ANKRD44: variants seen among roughly 807,000 people sequenced by gnomAD.
The protein encoded by ANKRD44 is ankyrin repeat domain 44, also known as serine/threonine-protein phosphatase 6 regulatory ankyrin repeat subunit B.
In ANKRD44, 35 loss-of-function variants were observed where a neutral mutation model predicts 116.0. The ratio of observed to expected loss-of-function variants is 0.30; its 90% CI spans 0.23 to 0.40. The LOEUF (loss-of-function observed/expected upper bound fraction) is 0.40. Ranked by LOEUF, ANKRD44 falls within the 10% of genes least tolerant of loss-of-function variation. The pLI is 1.00. For synonymous variants in ANKRD44, 435 were observed against 461.8 expected, an observed-to-expected ratio of 0.94 and a Z score of 0.74; for missense variants, 1,014 against 1,242.6, an observed-to-expected ratio of 0.82 and a Z score of 2.77.
chr2:197,236,584 A>G (rs2081983154), intron 1 of ANKRD44, among the ~76,000 whole-genome samples: 1 of 152,094 alleles, frequency 6.6e-6, no homozygotes, highest in African/African-American at 2.4e-5. Flanking sequence ...GTTTCTTCTA[A>G]TTCTATGGCT....
chr2:197,288,610 G>T (rs1018801339), intron 1 of ANKRD44, among the ~76,000 whole-genome samples: 12 of 110,218 alleles, frequency 1.1e-4, no homozygotes, highest in Non-Finnish European at 1.7e-4. Flanking sequence ...AATGGATAAA[G>T]AAAATGTGAT....
At chr2:197,247,213 C>T (rs563316934) in intron 1 of ANKRD44, among the ~76,000 whole-genome samples, 9 of 152,240 alleles carry the variant, frequency 5.9e-5, no homozygotes, top group South Asian at 2.1e-4. Context: ...CTGAACATGA[C>T]GCCAGGCAGC....
intron 1 of ANKRD44, among the ~76,000 whole-genome samples, chr2:197,207,612 G>A (rs1308432849): frequency 1.3e-5 from 2 of 152,048 alleles, no homozygotes; most frequent in Non-Finnish European, 2.9e-5. Context: ...TCAAATCACT[G>A]AGAAAGATCC....
chr2:197,182,202 G>C (rs1384745274), intron 2 of ANKRD44, among the ~76,000 whole-genome samples: 2 of 152,148 alleles, frequency 1.3e-5, no homozygotes, highest in Non-Finnish European at 2.9e-5. Flanking sequence ...AATCTTTCTA[G>C]CTATCTGCCA....
intron 1 of ANKRD44, among the ~76,000 whole-genome samples, chr2:197,268,096 G>A (rs1350933364): frequency 2.6e-5 from 4 of 152,194 alleles, no homozygotes; most frequent in Non-Finnish European, 4.4e-5. Context: ...AAAAAGAAGG[G>A]CACAGCATGG....
chr2:196,993,896 AT>A (rs2075965425), intron 26 of ANKRD44, among the ~76,000 whole-genome samples: 1 of 152,192 alleles, frequency 6.6e-6, no homozygotes, highest in South Asian at 2.1e-4. Flanking sequence ...GATATTACAA[AT>A]ATTCTGCATC....
intron 2 of ANKRD44, among the ~76,000 whole-genome samples, chr2:197,171,497 A>T (rs1230772803): frequency 3.3e-5 from 5 of 152,218 alleles, no homozygotes; most frequent in Non-Finnish European, 7.3e-5. Context: ...ATATGAGAAA[A>T]TTAAATAAAA....
chr2:197,157,881 T>A (rs1574572791), intron 2 of ANKRD44, among the ~76,000 whole-genome samples: 1 of 152,180 alleles, frequency 6.6e-6, no homozygotes, highest in African/African-American at 2.4e-5. Context: ...TGGATTGACA[T>A]AGAACCCTTG....
intron 8 of ANKRD44, among the ~76,000 whole-genome samples, chr2:197,116,662 G>A (rs1252673196): frequency 6.6e-6 from 1 of 152,110 alleles, no homozygotes; most frequent in Non-Finnish European, 1.5e-5. Flanking sequence ...GTAAAGGGCT[G>A]TTTCACTTTC....
chr2:197,110,742 AC>A (rs752877877), intron 9 of ANKRD44, 23 bp downstream of exon 9: 2 of 1,590,408 alleles, frequency 1.3e-6, no homozygotes, highest in South Asian at 2.2e-5. Flanking sequence ...CGAAATAATG[AC>A]ACTACTGAAG....
intron 1 of ANKRD44, among the ~76,000 whole-genome samples, chr2:197,233,374 G>A (rs867810884): frequency 2.0e-5 from 3 of 151,968 alleles, no homozygotes; most frequent in Non-Finnish European, 2.9e-5. Context: ...TCTCTAACCC[G>A]GGTAGACCTG....
At position 197,212,109 on chromosome 2, in the gene ANKRD44, T is replaced by A. The variant is rs989496748; in HGVS notation, c.28-25003A>T. ...ACCACTTTGGGGGAAGGAGAGGAGA[T>A]ATTGCAGAGCTAGAGTTTTGGAACT... On this transcript the variant is annotated intron_variant, in intron 1 of 27. Coordinates refer to ENST00000282272, the MANE Select transcript of ANKRD44 (RefSeq NM_001195144.2). The surrounding 1 kb of genome is among the most constrained non-coding windows in gnomAD (Gnocchi z 4.8). Among the ~76,000 whole-genome samples, 3 of 151,696 alleles carry A rather than the reference T, an allele frequency of 2.0e-5. No homozygotes were observed. The highest frequency in any genetic ancestry group is 2.0e-4 in the Admixed American group (3 of 15,238).
rs371185609 is a variant in ANKRD44 at position 196,998,380 on chromosome 2, T to G, written c.2705A>C (p.Lys902Thr). ...TAAGGGTGTATTCAAGTCCTTATCCTTTACAGTCAGATCAGCCTGGGCACT... is the reference window on the plus strand; with the variant it reads ...TAAGGGTGTATTCAAGTCCTTATCCGTTACAGTCAGATCAGCCTGGGCACT... ...VNSAQADLTV[K>T]DKDLNTPLHL... is the part of the protein sequence containing the mutation. The change falls in exon 25 of 28, where the codon AAG becomes ACG. Residue 902 changes from lysine (K) to threonine (T), a missense_variant. Coordinates refer to ENST00000282272, the MANE Select transcript of ANKRD44 (RefSeq NM_001195144.2). 7.1e-5 allele frequency: 115 copies of G among 1,613,842 alleles called. 1 individual carries two copies. The highest frequency in any genetic ancestry group is 9.4e-5 in the Non-Finnish European group (111 of 1,179,940).
chr2:197,030,726 CTT>C (rs112849726), intron 16 of ANKRD44, among the ~76,000 whole-genome samples: 12 of 148,330 alleles, frequency 8.1e-5, no homozygotes, highest in African/African-American at 2.5e-4. Flanking sequence ...AAAAATAAAA[CTT>C]TTTTTTTTTG....
chr2:197,230,159 C>T (rs1574320086), intron 1 of ANKRD44, among the ~76,000 whole-genome samples: 1 of 152,028 alleles, frequency 6.6e-6, no homozygotes, highest in Admixed American at 6.6e-5. Context: ...GGTTAGACTG[C>T]CAAGAATTTT....
At chr2:197,125,267 A>G (rs1255969339) in intron 6 of ANKRD44, 114 bp downstream of exon 6, 1 of 974,734 alleles carries the variant, frequency 1.0e-6, no homozygotes, top group Non-Finnish European at 1.6e-6. Flanking sequence ...ATTCAATTGC[A>G]ACCCAAGCTT....
At chr2:197,170,190 C>CAAAAAAAAAAAAAAAAAAAAA (rs71012960) in intron 2 of ANKRD44, among the ~76,000 whole-genome samples, 5 of 119,744 alleles carry the variant, frequency 4.2e-5, no homozygotes, top group East Asian at 2.4e-4. Context: ...ACCCTGTTTC[C>CAAAAAAAAAAAAAAAAAAAAA]AAAAAAAAAA....
At chr2:197,020,990 C>T (rs1574291037) in intron 17 of ANKRD44, among the ~76,000 whole-genome samples, 1 of 152,060 alleles carries the variant, frequency 6.6e-6, no homozygotes, top group African/African-American at 2.4e-5. Flanking sequence ...ATGTTCCCTG[C>T]CCTGTGTCCA....
chr2:197,165,200 C>A (rs1392635330), intron 2 of ANKRD44, among the ~76,000 whole-genome samples: 1 of 152,152 alleles, frequency 6.6e-6, no homozygotes, highest in Admixed American at 6.5e-5. Context: ...AAAGACTGAG[C>A]AAATTCCAGA....
Sources: allele counts gnomAD v4.1 joint callset (sites outside exome capture counted in the v4.1 genomes callset), GRCh38; gene constraint gnomAD v4.1.1; non-coding constraint Gnocchi (gnomAD v3.1); transcripts MANE v1.5; gene names NCBI Gene and HGNC (gene_info 2026-07-23, HGNC 2026-07-21).